Variants in TMPRSS11F observed in about 807,000 individuals in gnomAD.
The protein encoded by TMPRSS11F is transmembrane serine protease 11F.
In TMPRSS11F, 47 loss-of-function variants were observed where a neutral mutation model predicts 60.2. That is an observed-to-expected ratio of 0.78 (90% CI 0.62 to 1.00). The LOEUF is 1.00. TMPRSS11F is among the 50% of genes least tolerant of loss of function. TMPRSS11F has a pLI of 0.00. For missense variants in TMPRSS11F, 519 were observed against 522.9 expected, an observed-to-expected ratio of 0.99 and a Z score of 0.07; for synonymous variants, 166 against 167.3, an observed-to-expected ratio of 0.99 and a Z score of 0.06.
At chr4:68,095,822 G>T (rs1724062830) in intron 2 of TMPRSS11F, among the ~76,000 whole-genome samples, 1 of 150,496 alleles carries the variant, frequency 6.6e-6, no homozygotes, top group Admixed American at 6.7e-5. Context: ...CTTGAACCCG[G>T]GAGGCAGAGG....
chr4:68,083,256 G>A (rs997369311), intron 3 of TMPRSS11F, among the ~76,000 whole-genome samples: 2 of 152,134 alleles, frequency 1.3e-5, no homozygotes, highest in African/African-American at 4.8e-5. Flanking sequence ...CACTAGTAGA[G>A]GCAGAAAGCC....
chr4:68,127,186 T>C (rs1724728018), intron 1 of TMPRSS11F, among the ~76,000 whole-genome samples: 1 of 152,150 alleles, frequency 6.6e-6, no homozygotes. Context: ...TGAGTGTATC[T>C]CAAGTCTCAT....
chr4:68,099,962 A>C (rs1724155271), intron 1 of TMPRSS11F, among the ~76,000 whole-genome samples: 1 of 152,062 alleles, frequency 6.6e-6, no homozygotes, highest in African/African-American at 2.4e-5. Context: ...GGGAGCACTA[A>C]ACTTTTTGAA....
At chr4:68,115,919 C>A (rs1724510523) in intron 1 of TMPRSS11F, among the ~76,000 whole-genome samples, 1 of 152,054 alleles carries the variant, frequency 6.6e-6, no homozygotes, top group Non-Finnish European at 1.5e-5. Context: ...GTTAATCTTG[C>A]TAATTTGACA....
chr4:68,124,681 A>G (rs965802425), intron 1 of TMPRSS11F, among the ~76,000 whole-genome samples: 4 of 152,210 alleles, frequency 2.6e-5, no homozygotes, highest in Non-Finnish European at 4.4e-5. Context: ...AAATACAACA[A>G]TCTGTCAGTG....
intron 1 of TMPRSS11F, among the ~76,000 whole-genome samples, chr4:68,120,376 CT>C (rs34843345): frequency 5.1e-4 from 63 of 123,772 alleles, no homozygotes; most frequent in African/African-American, 1.9e-3. Flanking sequence ...ACAGAGAAAT[CT>C]TTTTTTTTTT....
chr4:68,106,987 G>C (rs897797079), intron 1 of TMPRSS11F, among the ~76,000 whole-genome samples: 1 of 152,022 alleles, frequency 6.6e-6, no homozygotes. Flanking sequence ...TCATGCTATG[G>C]TATCAGCAAG....
In TMPRSS11F at chr4:68,064,241, A is replaced by G. The variant is rs112031765; in HGVS notation, c.1015+444T>C. On this transcript the variant is annotated intron_variant, in intron 8 of 9. Transcript: ENST00000356291. ...GCTCTGTCACCCAGGTAGGAGTGCA[A>G]TGTTTCGATCTCAGCTCATTGCAAC... 5.0e-3 allele frequency among the ~76,000 whole-genome samples: 750 copies of G among 149,704 alleles called. 9 individuals carry two copies. Among genetic ancestry groups the G allele is most frequent in the African/African-American group, 0.018 (729 of 40,556 alleles).
chr4:68,054,803 G>T (rs1053651314), intron 9 of TMPRSS11F, among the ~76,000 whole-genome samples: 1 of 152,092 alleles, frequency 6.6e-6, no homozygotes, highest in African/African-American at 2.4e-5. Flanking sequence ...GGGATAAAAT[G>T]ATGAACATAA....
At chr4:68,104,614 T>G (rs1433190291) in intron 1 of TMPRSS11F, among the ~76,000 whole-genome samples, 1 of 152,196 alleles carries the variant, frequency 6.6e-6, no homozygotes, top group Non-Finnish European at 1.5e-5. Context: ...GTGAGTCAAT[T>G]ACACCTCTTC....
intron 1 of TMPRSS11F, among the ~76,000 whole-genome samples, chr4:68,102,244 G>A (rs75892689): frequency 1.8e-4 from 28 of 152,080 alleles, no homozygotes; most frequent in African/African-American, 5.8e-4. Flanking sequence ...GGCTGTTTCC[G>A]TATCTCAGCT....
intron 3 of TMPRSS11F, among the ~76,000 whole-genome samples, chr4:68,075,678 T>A (rs948248034): frequency 2.0e-5 from 3 of 152,118 alleles, no homozygotes; most frequent in African/African-American, 7.2e-5. Flanking sequence ...ACCATTTTCC[T>A]GGAAGAAGAA....
Position 68,070,018 on chromosome 4 carries a change from C to G in TMPRSS11F, c.515-11G>C, listed in dbSNP as rs570327443. 1 of 1,601,736 alleles carries G rather than the reference C, an allele frequency of 6.2e-7. No individual in the cohort carries two copies. Among genetic ancestry groups the G allele is most frequent in the South Asian group, 1.1e-5 (1 of 89,122 alleles). On this transcript the variant is annotated splice_polypyrimidine_tract_variant and intron_variant, in intron 5 of 9. Coordinates refer to ENST00000356291, the MANE Select transcript of TMPRSS11F (RefSeq NM_207407.2). ...TTTTGCTGTCAATAGCTGGAATAAG[C>G]AAAACATGAATTAGTTGGCAGAAGA...
rs748540773 is a variant in TMPRSS11F at position 68,099,021 on chromosome 4, T to C, written c.29A>G (p.Glu10Gly). Reference sequence around the variant, plus strand: ...ATATTCAGCTCGTGAGAATTCAGCTTCTGAAAATTCAACAGGTCTGTGATA... The same window carrying C: ...ATATTCAGCTCGTGAGAATTCAGCTCCTGAAAATTCAACAGGTCTGTGATA... MMYAPVEFS[E>G]AEFSRAEYQR... Residue 10 changes from glutamate (E) to glycine (G), a missense_variant, in exon 2 of 10, where the codon GAA becomes GGA. Coordinates refer to ENST00000356291, the MANE Select transcript of TMPRSS11F (RefSeq NM_207407.2). The C allele has an allele frequency of 6.2e-7, 1 of 1,612,878 alleles. No individual in the cohort carries two copies. Among genetic ancestry groups the C allele is most frequent in the African/African-American group, 1.3e-5 (1 of 74,966 alleles).
chr4:68,067,319 C>A (rs1361536644), intron 7 of TMPRSS11F, among the ~76,000 whole-genome samples: 1 of 152,148 alleles, frequency 6.6e-6, no homozygotes. Context: ...AGAAAAACTT[C>A]TTTTATCAAA....
intron 7 of TMPRSS11F, among the ~76,000 whole-genome samples, chr4:68,067,160 A>C (rs2109839266): frequency 6.6e-6 from 1 of 152,266 alleles, no homozygotes. Context: ...ATATTTTTAA[A>C]AATCTTTCCT....
intron 5 of TMPRSS11F, 70 bp from the exon 6 acceptor site, chr4:68,070,077 T>C: frequency 2.3e-6 from 3 of 1,286,782 alleles, no homozygotes; most frequent in Admixed American, 1.9e-5. Context: ...GTTGTTCAAC[T>C]GGTCATTAAT....
At chr4:68,129,722 C>T in intron 1 of TMPRSS11F, 88 bp downstream of exon 1, 2 of 1,203,608 alleles carry the variant, frequency 1.7e-6, no homozygotes, top group Admixed American at 3.4e-5. Context: ...AATCAATCTC[C>T]ACCAGCCAAC....
chr4:68,119,587 C>T (rs1385980601), intron 1 of TMPRSS11F, among the ~76,000 whole-genome samples: 1 of 152,084 alleles, frequency 6.6e-6, no homozygotes, highest in East Asian at 1.9e-4. Flanking sequence ...TGCCTGTGCT[C>T]TATAGATAGA....
Sources: allele counts gnomAD v4.1 joint callset (sites outside exome capture counted in the v4.1 genomes callset), GRCh38; gene constraint gnomAD v4.1.1; transcripts MANE v1.5; gene names NCBI Gene and HGNC (gene_info 2026-07-23, HGNC 2026-07-21).